ZFYVE9: variants seen among roughly 807,000 people sequenced by gnomAD.
ZFYVE9 encodes zinc finger FYVE domain-containing protein 9.
In ZFYVE9, 43 loss-of-function variants were observed where a neutral mutation model predicts 126.7. The ratio of observed to expected loss-of-function variants is 0.34; its 90% CI spans 0.27 to 0.44. ZFYVE9 has a LOEUF of 0.44. ZFYVE9 is among the 20% of genes least tolerant of loss of function. The probability of loss-of-function intolerance (pLI) is 1.00; values close to 1 mark genes in which losing one functional copy is unlikely to be tolerated. For synonymous variants in ZFYVE9, 521 were observed against 597.4 expected (o/e 0.87, Z 1.87); for missense variants, 1,476 against 1,697.0 (o/e 0.87, Z 2.29).
At chr1:52,314,837 G>A (rs1289734431) in intron 13 of ZFYVE9, among the ~76,000 whole-genome samples, 2 of 151,676 alleles carry the variant, frequency 1.3e-5, no homozygotes, top group Admixed American at 6.6e-5. Flanking sequence ...AGCAAAAACC[G>A]CCAGGCGCGG....
At position 52,239,094 on chromosome 1, in the gene ZFYVE9, G is replaced by A; in HGVS notation, c.1677G>A (p.Gly559=). Residue 559 remains glycine, a synonymous_variant, in exon 4 of 19, where the codon GGG becomes GGA. Coordinates refer to ENST00000287727, the MANE Select transcript of ZFYVE9 (RefSeq NM_004799.4). ...GTAGTCAAGTTCCATCAGTGCTTGGGCAATCTTCCCCCAAGGTAGTAGCAA... is the reference window on the plus strand; with the variant it reads ...GTAGTCAAGTTCCATCAGTGCTTGGACAATCTTCCCCCAAGGTAGTAGCAA... ...NFCSQVPSVL[G]QSSPKVVASL... 1 of 1,614,072 alleles carries A rather than the reference G, an allele frequency of 6.2e-7. No individual in the cohort carries two copies. The highest frequency in any genetic ancestry group is 8.5e-7 in the Non-Finnish European group (1 of 1,180,002).
At chr1:52,213,813 G>A (rs974118349) in intron 1 of ZFYVE9, among the ~76,000 whole-genome samples, 1 of 152,212 alleles carries the variant, frequency 6.6e-6, no homozygotes, top group Admixed American at 6.5e-5. Flanking sequence ...AACTGAAGAC[G>A]CAATAAGCTG....
chr1:52,254,700 C>G (rs908069291), intron 4 of ZFYVE9, among the ~76,000 whole-genome samples: 3 of 152,094 alleles, frequency 2.0e-5, no homozygotes, highest in Admixed American at 2.0e-4. Context: ...GGTGTGGTGG[C>G]TCATTCCTGT....
intron 8 of ZFYVE9, among the ~76,000 whole-genome samples, chr1:52,275,272 C>G (rs1266241196): frequency 6.6e-6 from 1 of 152,042 alleles, no homozygotes; most frequent in Non-Finnish European, 1.5e-5. Flanking sequence ...GACAGGGTCT[C>G]TTTATCCAGT....
intron 2 of ZFYVE9, among the ~76,000 whole-genome samples, chr1:52,217,303 G>A (rs558265516): frequency 2.6e-5 from 4 of 152,252 alleles, no homozygotes; most frequent in East Asian, 3.9e-4. Context: ...GTGAAGGGGC[G>A]GGGTGGGTAA....
chr1:52,239,988 A>G (rs1323197084), intron 4 of ZFYVE9, among the ~76,000 whole-genome samples: 1 of 152,234 alleles, frequency 6.6e-6, no homozygotes, highest in Non-Finnish European at 1.5e-5. Context: ...TACAAAAAAT[A>G]AAAATAAAAA....
At chr1:52,264,264 A>G (rs1645612054) in intron 5 of ZFYVE9, among the ~76,000 whole-genome samples, 2 of 152,218 alleles carry the variant, frequency 1.3e-5, no homozygotes, top group African/African-American at 4.8e-5. Context: ...TTTCTAAGGA[A>G]CAACTTAATA....
At chr1:52,296,917 G>A (rs542510059) in intron 12 of ZFYVE9, among the ~76,000 whole-genome samples, 2 of 151,990 alleles carry the variant, frequency 1.3e-5, no homozygotes, top group African/African-American at 4.8e-5. Flanking sequence ...AGCAATTCTC[G>A]TGCCTGAGCC....
chr1:52,143,267 C>G (rs1050725464), intron 1 of ZFYVE9, among the ~76,000 whole-genome samples: 3 of 152,122 alleles, frequency 2.0e-5, no homozygotes, highest in Admixed American at 1.3e-4. Context: ...TAATAAATAC[C>G]TGAAGGAAAT....
At position 52,199,824 on chromosome 1, in the gene ZFYVE9, A is replaced by G. The variant is rs549108760; in HGVS notation, c.-142-16545A>G. ...ATGAATGAGAGTCCCTGTTGCACCC[A>G]CATCCTCTCTAGCATTTGGTGGTGT... On this transcript the variant is annotated intron_variant, in intron 1 of 18. Transcript: ENST00000287727. 2.6e-5 allele frequency among the ~76,000 whole-genome samples: 4 copies of G among 152,250 alleles called. No individual in the cohort carries two copies. The East Asian group carries it at 7.7e-4, about 29-fold the overall frequency.
intron 2 of ZFYVE9, among the ~76,000 whole-genome samples, chr1:52,231,626 A>G (rs1324680153): frequency 6.6e-6 from 1 of 151,624 alleles, no homozygotes; most frequent in East Asian, 1.9e-4. Flanking sequence ...ATGGGAAAAT[A>G]CTCTTTCTTT....
At chr1:52,194,273 C>T (rs1409038599) in intron 1 of ZFYVE9, among the ~76,000 whole-genome samples, 2 of 151,920 alleles carry the variant, frequency 1.3e-5, no homozygotes, top group Non-Finnish European at 2.9e-5. Context: ...CTAATGTGTT[C>T]ATAATATTGG....
chr1:52,241,942 C>T (rs1178310642), intron 4 of ZFYVE9, among the ~76,000 whole-genome samples: 2 of 151,008 alleles, frequency 1.3e-5, no homozygotes, highest in African/African-American at 2.4e-5. Flanking sequence ...CTGCAACAAG[C>T]ATATATTGTG....
chr1:52,284,771 C>T (rs1557500083), intron 10 of ZFYVE9, among the ~76,000 whole-genome samples: 2 of 152,024 alleles, frequency 1.3e-5, no homozygotes, highest in African/African-American at 2.4e-5. Context: ...CCATTTTGAA[C>T]TATTGCAAAA....
intron 4 of ZFYVE9, among the ~76,000 whole-genome samples, chr1:52,255,768 C>T (rs1049482956): frequency 4.6e-5 from 7 of 151,682 alleles, no homozygotes; most frequent in African/African-American, 1.7e-4. Context: ...CGGCGCGTAC[C>T]TGTAGTCTCA....
At chr1:52,303,677 C>A in intron 12 of ZFYVE9, 144 bp from the exon 13 acceptor site, 1 of 456,330 alleles carries the variant, frequency 2.2e-6, no homozygotes, top group Non-Finnish European at 3.8e-6. Flanking sequence ...TATAGTGGGG[C>A]TTTCATTATA....
At chr1:52,267,392 C>T (rs1322243032) in intron 6 of ZFYVE9, among the ~76,000 whole-genome samples, 1 of 152,136 alleles carries the variant, frequency 6.6e-6, no homozygotes, top group Non-Finnish European at 1.5e-5. Context: ...GCTCAACTTA[C>T]ATTGGTTTAT....
At chr1:52,145,746 A>G (rs693867) in intron 1 of ZFYVE9, among the ~76,000 whole-genome samples, 1,662 of 152,222 alleles carry the variant, frequency 0.011, 32 homozygotes, top group African/African-American at 0.038. Context: ...ATGACTTAAA[A>G]CTTGGTTGCT....
intron 1 of ZFYVE9, among the ~76,000 whole-genome samples, chr1:52,149,025 T>C (rs1465235225): frequency 7.1e-6 from 1 of 140,232 alleles, no homozygotes; most frequent in Admixed American, 8.0e-5. Flanking sequence ...AGTGCAGTAG[T>C]GTGATCTTGG....
Sources: allele counts gnomAD v4.1 joint callset (sites outside exome capture counted in the v4.1 genomes callset), GRCh38; gene constraint gnomAD v4.1.1; transcripts MANE v1.5; gene names NCBI Gene and HGNC (gene_info 2026-07-23, HGNC 2026-07-21).